Variants in ASB13 observed in about 807,000 individuals in gnomAD.
ASB13 encodes the protein ankyrin repeat and SOCS box protein 13.
Under a neutral mutation model 28.8 loss-of-function variants are expected in ASB13, and 33 were observed. The observed-to-expected ratio is 1.15, with a 90% CI of 0.87 to 1.53. The LOEUF is 1.53. Among genes scored for constraint, ASB13 ranks in the 40% most tolerant of loss-of-function variants. The pLI is 0.00. For synonymous variants in ASB13, 182 were observed against 172.9 expected (o/e 1.05, Z -0.41); for missense variants, 414 against 390.1 (o/e 1.06, Z -0.52).
rs1431448318 is a variant in ASB13 at position 5,661,642 on chromosome 10, A to G, written c.43+4867T>C. 6.6e-6 allele frequency among the ~76,000 whole-genome samples: 1 copy of G among 152,002 alleles called. No homozygotes were observed. The highest frequency in any genetic ancestry group is 1.5e-5 in the Non-Finnish European group (1 of 67,956). On this transcript the variant is annotated intron_variant, in intron 1 of 5. Transcript: ENST00000357700. This position sits in a 1 kb window ranked among gnomAD's most constrained non-coding sequence, Gnocchi z 4.9. ...CCCAAGTAGCTGGGACTACAGGCCC[A>G]TGCACCACCACCACACTGGATAATT...
In ASB13 at chr10:5,649,299, G is replaced by A. The variant is rs1343122227; in HGVS notation, c.383-195C>T. Among the ~76,000 whole-genome samples the A allele has an allele frequency of 6.6e-6, 1 of 152,146 alleles. No individual in the cohort carries two copies. Among genetic ancestry groups the A allele is most frequent in the Admixed American group, 6.5e-5 (1 of 15,276 alleles). On this transcript the variant is annotated intron_variant, in intron 3 of 5. Transcript: ENST00000357700. This position sits in a 1 kb window ranked among gnomAD's most constrained non-coding sequence, Gnocchi z 6.4. ...AAGCCAGGACACGGCTCTGCGCCCC[G>A]CTGAGGACGGAGGGCTCAAGGCAGT...
At position 5,649,136 on chromosome 10, in the gene ASB13, C is replaced by T. The variant is rs1834944841; in HGVS notation, c.383-32G>A. On this transcript the variant is annotated intron_variant, in intron 3 of 5. Transcript: ENST00000357700. This position sits in a 1 kb window ranked among gnomAD's most constrained non-coding sequence, Gnocchi z 6.4. ...ATAAATGGAAAAGGGGGGGAATGTC[C>T]TTGAATACGGACACTGGAGACAACA... 3 of 1,613,074 alleles carry T rather than the reference C, an allele frequency of 1.9e-6. No homozygotes were observed.
chr10:5,654,694 C>G (rs2131452721), intron 1 of ASB13, among the ~76,000 whole-genome samples: 1 of 152,324 alleles, frequency 6.6e-6, no homozygotes, highest in South Asian at 2.1e-4. Flanking sequence ...TTCGAGCAGA[C>G]AAGATCACAT....
Position 5,642,538 on chromosome 10 carries a change from G to A in ASB13, c.518-577C>T, listed in dbSNP as rs1834825149. The A allele has an allele frequency of 8.0e-7, 1 of 1,251,286 alleles. No homozygotes were observed. The highest frequency in any genetic ancestry group is 1.6e-5 in the African/African-American group (1 of 63,308). The allele number at this position is 1,251,286 out of a possible 1,614,324, so 77.5% of individuals were successfully genotyped here. ...ACTCCTCAACTTTCTCACGATAAGA[G>A]CAGACATTCATCAAGCTGATTAAAA... On this transcript the variant is annotated intron_variant, in intron 4 of 5. Coordinates refer to ENST00000357700, the MANE Select transcript of ASB13 (RefSeq NM_024701.4). The surrounding 1 kb of genome is among the most constrained non-coding windows in gnomAD (Gnocchi z 4.1).
In ASB13 at chr10:5,666,595, T is replaced by C. The variant is rs1346958629; in HGVS notation, c.-44A>G. ...CGCGGCGACTCTGGGCGCCGGGACC[T>C]GGGCCGGGCCGCGCGGGGCCGCTGG... On this transcript the variant is annotated 5_prime_UTR_variant, in exon 1 of 6. Coordinates refer to ENST00000357700, the MANE Select transcript of ASB13 (RefSeq NM_024701.4). 11 of 1,091,374 alleles carry C rather than the reference T, an allele frequency of 1.0e-5. No homozygotes were observed. The East Asian group carries it at 6.2e-4, about 62-fold the overall frequency. The allele number at this position is 1,091,374 out of a possible 1,614,324, so 67.6% of individuals were successfully genotyped here. A position where few individuals can be genotyped will look rare whatever the true frequency, so the allele number is the denominator to read the frequency against.
In ASB13 at chr10:5,658,421, A is replaced by G. The variant is rs1417977623; in HGVS notation, c.44-5371T>C. ...ACTACGGCCTGGGTGACTTTGTCTGAAAAAAAAAAAAAAAACAAAACCAAA... is the reference window on the plus strand; with the variant it reads ...ACTACGGCCTGGGTGACTTTGTCTGGAAAAAAAAAAAAAAACAAAACCAAA... On this transcript the variant is annotated intron_variant, in intron 1 of 5. Transcript: ENST00000357700. The surrounding 1 kb of genome is among the most constrained non-coding windows in gnomAD (Gnocchi z 4.2). Among the ~76,000 whole-genome samples the G allele has an allele frequency of 2.5e-5, 3 of 118,602 alleles. No individual in the cohort carries two copies. The highest frequency in any genetic ancestry group is 1.0e-4 in the African/African-American group (3 of 29,992). 77.8% of individuals were successfully genotyped at this position (118,602 alleles called of 152,430 possible).
At position 5,651,529 on chromosome 10, in the gene ASB13, G is replaced by C; in HGVS notation, c.232-166C>G. On this transcript the variant is annotated intron_variant, in intron 2 of 5. Transcript: ENST00000357700. This position sits in a 1 kb window ranked among gnomAD's most constrained non-coding sequence, Gnocchi z 5.1. ...CTGAAAGAGATAGCACGTGGCTGCGGAGCACCGACGGCCTCCTGAGTAGAG... is the reference window on the plus strand; with the variant it reads ...CTGAAAGAGATAGCACGTGGCTGCGCAGCACCGACGGCCTCCTGAGTAGAG... 2 of 704,024 alleles carry C rather than the reference G, an allele frequency of 2.8e-6. No homozygotes were observed. The highest frequency in any genetic ancestry group is 4.6e-6 in the Non-Finnish European group (2 of 439,078). The allele number at this position is 704,024 out of a possible 1,614,324, so 43.6% of individuals were successfully genotyped here. A position where few individuals can be genotyped will look rare whatever the true frequency, so the allele number is the denominator to read the frequency against.
At chr10:5,654,638 TGCTGGATGAAA>T (rs1835043586) in intron 1 of ASB13, among the ~76,000 whole-genome samples, 1 of 152,180 alleles carries the variant, frequency 6.6e-6, no homozygotes, top group South Asian at 2.1e-4. Context: ...ATGACAACAG[TGCTGGATGAAA>T]GCTGATGACA....
In ASB13 at chr10:5,661,862, T is replaced by C. The variant is rs1262507539; in HGVS notation, c.43+4647A>G. ...GTTCCGAGTAAATCACCAAGGGGAGTCTGGGGTCCTGGCTGCAGAAATGTC... is the reference window on the plus strand; with the variant it reads ...GTTCCGAGTAAATCACCAAGGGGAGCCTGGGGTCCTGGCTGCAGAAATGTC... On this transcript the variant is annotated intron_variant, in intron 1 of 5. Transcript: ENST00000357700. The surrounding 1 kb of genome is among the most constrained non-coding windows in gnomAD (Gnocchi z 4.9). 6.6e-6 allele frequency among the ~76,000 whole-genome samples: 1 copy of C among 151,792 alleles called. No homozygotes were observed. Among genetic ancestry groups the C allele is most frequent in the African/African-American group, 2.4e-5 (1 of 41,300 alleles).
intron 1 of ASB13, among the ~76,000 whole-genome samples, chr10:5,657,872 G>C (rs945193610): frequency 2.0e-5 from 3 of 152,208 alleles, no homozygotes; most frequent in Non-Finnish European, 4.4e-5. Flanking sequence ...TCTAGGCCAG[G>C]CACGCTGGCT....
intron 4 of ASB13, among the ~76,000 whole-genome samples, chr10:5,646,468 C>A (rs779759218): frequency 6.6e-6 from 1 of 152,184 alleles, no homozygotes; most frequent in Non-Finnish European, 1.5e-5. Context: ...GCGTGTAGGC[C>A]TGAAGCCACT....
rs919589896 is a variant in ASB13 at position 5,666,490 on chromosome 10, C to G, written c.43+19G>C. The G allele has an allele frequency of 1.5e-5, 20 of 1,295,288 alleles. No homozygotes were observed. In the African/African-American group the frequency reaches 2.9e-4, roughly 19 times the overall value. The allele number at this position is 1,295,288 out of a possible 1,614,324, so 80.2% of individuals were successfully genotyped here. Reference sequence around the variant, plus strand: ...CGGCGCCGCTGCCTCGCTCTGACCTCCGCGGCGCCCGCACGTACCCACGTC... The same window carrying G: ...CGGCGCCGCTGCCTCGCTCTGACCTGCGCGGCGCCCGCACGTACCCACGTC... On this transcript the variant is annotated intron_variant, in intron 1 of 5. Transcript: ENST00000357700.
chr10:5,640,155 A>G lies in ASB13; in HGVS notation c.*548T>C, dbSNP rs1453955160. On this transcript the variant is annotated 3_prime_UTR_variant, in exon 6 of 6. Coordinates refer to ENST00000357700, the MANE Select transcript of ASB13 (RefSeq NM_024701.4). Reference sequence around the variant, plus strand: ...CCTTGGAAAGTGCTCCAGGAAAAGCATCCACACAGCAGCCAGCAGAGCAGC... The same window carrying G: ...CCTTGGAAAGTGCTCCAGGAAAAGCGTCCACACAGCAGCCAGCAGAGCAGC... 1 of 153,432 alleles carries G rather than the reference A, an allele frequency of 6.5e-6. No homozygotes were observed. The highest frequency in any genetic ancestry group is 1.5e-5 in the Non-Finnish European group (1 of 68,624). The allele number at this position is 153,432 out of a possible 1,614,324, so 9.5% of individuals were successfully genotyped here. A position where few individuals can be genotyped will look rare whatever the true frequency, so the allele number is the denominator to read the frequency against.
At position 5,642,879 on chromosome 10, in the gene ASB13, G is replaced by A. The variant is rs1051785356; in HGVS notation, c.518-918C>T. 3.3e-5 allele frequency among the ~76,000 whole-genome samples: 5 copies of A among 151,950 alleles called. No homozygotes were observed. The highest frequency in any genetic ancestry group is 4.8e-5 in the African/African-American group (2 of 41,368). On this transcript the variant is annotated intron_variant, in intron 4 of 5. Transcript: ENST00000357700. The surrounding 1 kb of genome is among the most constrained non-coding windows in gnomAD (Gnocchi z 4.1). Reference sequence around the variant, plus strand: ...AGGTTGGTCTCGAACTCCTGGCTACGGGCATGAGCCACCACACCTGGTCAC... The same window carrying A: ...AGGTTGGTCTCGAACTCCTGGCTACAGGCATGAGCCACCACACCTGGTCAC...
rs1439013959 is a variant in ASB13, at chr10:5,656,158, T to C, written c.44-3108A>G. Among the ~76,000 whole-genome samples, 2 of 151,418 alleles carry C rather than the reference T, an allele frequency of 1.3e-5. No individual in the cohort carries two copies. The highest frequency in any genetic ancestry group is 4.8e-5 in the African/African-American group (2 of 41,438). ...TTATTCACCTCTGTACCCCAGAACC[T>C]GGCACTGTCCAAGAAGATGCTGGTA... On this transcript the variant is annotated intron_variant, in intron 1 of 5. Coordinates refer to ENST00000357700, the MANE Select transcript of ASB13 (RefSeq NM_024701.4). The surrounding 1 kb of genome is among the most constrained non-coding windows in gnomAD (Gnocchi z 4.3).
Position 5,659,264 on chromosome 10 carries a change from C to T in ASB13, c.44-6214G>A, listed in dbSNP as rs890359142. ...CCATGCCGTGCTGGCGAGTTCCCTC[C>T]GGGACTCACGTTCTGCCCCTAAATC... On this transcript the variant is annotated intron_variant, in intron 1 of 5. Coordinates refer to ENST00000357700, the MANE Select transcript of ASB13 (RefSeq NM_024701.4). The surrounding 1 kb of genome is among the most constrained non-coding windows in gnomAD (Gnocchi z 5.8). Among the ~76,000 whole-genome samples, 24 of 152,156 alleles carry T rather than the reference C, an allele frequency of 1.6e-4. No homozygotes were observed. The highest frequency in any genetic ancestry group is 6.5e-4 in the Admixed American group (10 of 15,288).
In ASB13 at chr10:5,663,373, A is replaced by C. The variant is rs568195215; in HGVS notation, c.43+3136T>G. Among the ~76,000 whole-genome samples, 1 of 152,182 alleles carries C rather than the reference A, an allele frequency of 6.6e-6. No individual in the cohort carries two copies. The highest frequency in any genetic ancestry group is 2.4e-5 in the African/African-American group (1 of 41,496). On this transcript the variant is annotated intron_variant, in intron 1 of 5. Coordinates refer to ENST00000357700, the MANE Select transcript of ASB13 (RefSeq NM_024701.4). The surrounding 1 kb of genome is among the most constrained non-coding windows in gnomAD (Gnocchi z 4.9). ...ACTGGATTCGCTGCATTATCCTTCA[A>C]TGTCTCCTCCCCTGACTCCCTCATC...
chr10:5,665,883 T>G (rs1835250473), intron 1 of ASB13, among the ~76,000 whole-genome samples: 1 of 152,128 alleles, frequency 6.6e-6, no homozygotes, highest in Non-Finnish European at 1.5e-5. Flanking sequence ...GCAAAAAAAT[T>G]TGCTTCCCCA....
intron 1 of ASB13, among the ~76,000 whole-genome samples, chr10:5,653,855 T>G (rs935577485): frequency 1.3e-5 from 2 of 152,212 alleles, no homozygotes; most frequent in East Asian, 3.9e-4. Flanking sequence ...CTAATTTTTC[T>G]ATTTTCAGTA....
Sources: gnomAD v4.1 joint callset for allele counts (sites outside exome capture counted in the v4.1 genomes callset) on GRCh38, gnomAD v4.1.1 for gene constraint, Gnocchi (gnomAD v3.1) non-coding constraint, MANE v1.5 for transcripts, NCBI Gene and HGNC (gene_info 2026-07-23, HGNC 2026-07-21) for gene names.